Variants in VGLL4 observed in about 807,000 individuals in gnomAD.
The protein encoded by VGLL4 is vestigial like family member 4, also known as transcription cofactor vestigial-like protein 4.
Under a neutral mutation model 21.0 loss-of-function variants are expected in VGLL4, and 7 were observed. The ratio of observed to expected loss-of-function variants is 0.33; its 90% CI spans 0.19 to 0.63. VGLL4 has a LOEUF of 0.63. Ranked by LOEUF, VGLL4 falls within the 20% of genes least tolerant of loss-of-function variation. The pLI, the probability that VGLL4 is intolerant of heterozygous loss-of-function variation, is 0.78. For synonymous variants in VGLL4, 222 were observed against 173.2 expected (o/e 1.28, Z -2.21); for missense variants, 394 against 425.7 (o/e 0.93, Z 0.66).
At chr3:11,667,263 TAC>T (rs1280483993) in intron 2 of VGLL4, among the ~76,000 whole-genome samples, 1 of 152,250 alleles carries the variant, frequency 6.6e-6, no homozygotes, top group Non-Finnish European at 1.5e-5. Context: ...AGTGACAGGT[TAC>T]AGAGCTTGGG....
At chr3:11,680,884 A>T (rs952807109) in intron 2 of VGLL4, among the ~76,000 whole-genome samples, 2 of 152,046 alleles carry the variant, frequency 1.3e-5, no homozygotes, top group African/African-American at 2.4e-5. Flanking sequence ...CAGGCACGCG[A>T]TGAGTATCTG....
rs946622872 is a variant in VGLL4 at position 11,719,793 on chromosome 3, C to T, written c.-14+601G>A. 5.3e-5 allele frequency among the ~76,000 whole-genome samples: 8 copies of T among 152,224 alleles called. No homozygotes were observed. Among genetic ancestry groups the T allele is most frequent in the African/African-American group, 1.4e-4 (6 of 41,554 alleles). On this transcript the variant is annotated intron_variant, in intron 1 of 5. Transcript: ENST00000273038. The surrounding 1 kb of genome is among the most constrained non-coding windows in gnomAD (Gnocchi z 4.0). Reference sequence around the variant, plus strand: ...CCGCGGCAGGGAGAGGCCGCTTTCCCTCCCCCGCCAGCTGCGCGCCCGGTG... The same window carrying T: ...CCGCGGCAGGGAGAGGCCGCTTTCCTTCCCCCGCCAGCTGCGCGCCCGGTG...
At chr3:11,598,992 T>C (rs1042421495) in intron 2 of VGLL4, among the ~76,000 whole-genome samples, 1 of 152,188 alleles carries the variant, frequency 6.6e-6, no homozygotes, top group African/African-American at 2.4e-5. Context: ...GCAGATAACT[T>C]CTTAGGCATT....
rs2074854157 is a variant in VGLL4, at chr3:11,603,431, T to C, written c.83-1409A>G. ...ATGATCTTGGTTGGCCTATACTCCC[T>C]ATTTAGTAATTTTCATTTTAAAAAA... On this transcript the variant is annotated intron_variant, in intron 1 of 4. Transcript: ENST00000430365. 2.0e-5 allele frequency among the ~76,000 whole-genome samples: 3 copies of C among 152,336 alleles called. No homozygotes were observed. In the South Asian group the frequency reaches 6.2e-4, roughly 32 times the overall value.
chr3:11,585,326 C>T (rs2125233327), intron 2 of VGLL4, among the ~76,000 whole-genome samples: 1 of 151,776 alleles, frequency 6.6e-6, no homozygotes, highest in East Asian at 1.9e-4. Context: ...GTCCCAGCTA[C>T]TTAGGAGGCT....
intron 2 of VGLL4, among the ~76,000 whole-genome samples, chr3:11,571,650 G>A (rs540649595): frequency 3.7e-4 from 56 of 152,304 alleles, no homozygotes; most frequent in African/African-American, 1.3e-3. Flanking sequence ...CTGGGCAACA[G>A]GGTAAGACCC....
chr3:11,585,516 A>C (rs1437856460), intron 2 of VGLL4, among the ~76,000 whole-genome samples: 1 of 151,946 alleles, frequency 6.6e-6, no homozygotes, highest in Non-Finnish European at 1.5e-5. Context: ...AAATTGAGGG[A>C]TCTCCCAAGA....
intron 2 of VGLL4, among the ~76,000 whole-genome samples, chr3:11,594,988 C>G (rs974321924): frequency 2.3e-4 from 35 of 152,266 alleles, no homozygotes; most frequent in Non-Finnish European, 2.4e-4. Context: ...ATGGAGAAAC[C>G]CCATCTCTAC....
At chr3:11,596,660 T>A (rs1309559884) in intron 2 of VGLL4, among the ~76,000 whole-genome samples, 1 of 152,176 alleles carries the variant, frequency 6.6e-6, no homozygotes, top group Non-Finnish European at 1.5e-5. Flanking sequence ...ATGATAGAAA[T>A]GTTCTGTATC....
rs200172219 is a variant in VGLL4 at position 11,705,497 on chromosome 3, AAC to A, written c.-13-2452_-13-2451del. 1.1e-3 allele frequency among the ~76,000 whole-genome samples: 163 copies of A among 152,340 alleles called. 3 individuals are homozygous for A. In the East Asian group the frequency reaches 0.027, roughly 25 times the overall value. ...AGCAGCGGTCTAAGAGGGAAAACCT[AAC>A]AGTGCTCACATTCCTGATCTTCTTT... On this transcript the variant is annotated intron_variant, in intron 1 of 5. Transcript: ENST00000273038.
intron 2 of VGLL4, among the ~76,000 whole-genome samples, chr3:11,597,940 C>G (rs183967258): frequency 4.4e-4 from 67 of 152,282 alleles, no homozygotes; most frequent in Non-Finnish European, 7.8e-4. Flanking sequence ...TTCTAATTTT[C>G]AAAATTCTGA....
At chr3:11,622,918 C>T (rs2075290913) in intron 1 of VGLL4, among the ~76,000 whole-genome samples, 1 of 152,218 alleles carries the variant, frequency 6.6e-6, no homozygotes, top group African/African-American at 2.4e-5. Flanking sequence ...TCTTGTATTT[C>T]CTTTCTTACG....
chr3:11,558,044 T>G lies in VGLL4; in HGVS notation c.*512A>C, dbSNP rs2072602930. The G allele has an allele frequency of 6.3e-6, 1 of 157,986 alleles. No individual in the cohort carries two copies. Among genetic ancestry groups the G allele is most frequent in the South Asian group, 1.9e-4 (1 of 5,186 alleles). The allele number at this position is 157,986 out of a possible 1,614,324, so 9.8% of individuals were successfully genotyped here. A position where few individuals can be genotyped will look rare whatever the true frequency, so the allele number is the denominator to read the frequency against. ...AGAGTTCTGGCATAACACATAAAGT[T>G]GTCAGGCAACTTTAGTCCTCCTCCA... is the stretch of plus-strand genomic sequence containing the variant. On this transcript the variant is annotated 3_prime_UTR_variant, in exon 5 of 5. Transcript: ENST00000430365.
rs1169062673 is a variant in VGLL4 at position 11,719,979 on chromosome 3, G to C, written c.-14+415C>G. ...CCCCGCCCCCGAGGCCCCGCCAGGGGACACAGCGCCGTGCAAATGTACAAA... is the reference window on the plus strand; with the variant it reads ...CCCCGCCCCCGAGGCCCCGCCAGGGCACACAGCGCCGTGCAAATGTACAAA... On this transcript the variant is annotated intron_variant, in intron 1 of 5. Transcript: ENST00000273038. This position sits in a 1 kb window ranked among gnomAD's most constrained non-coding sequence, Gnocchi z 4.0. 6.6e-6 allele frequency among the ~76,000 whole-genome samples: 1 copy of C among 152,160 alleles called. No individual in the cohort carries two copies. The highest frequency in any genetic ancestry group is 2.1e-4 in the South Asian group (1 of 4,828).
At chr3:11,560,063 C>G (rs143399248) in intron 3 of VGLL4, among the ~76,000 whole-genome samples, 2 of 152,096 alleles carry the variant, frequency 1.3e-5, no homozygotes, top group East Asian at 3.9e-4. Flanking sequence ...TTCACCCCCA[C>G]CCCCACGCTG....
intron 1 of VGLL4, among the ~76,000 whole-genome samples, chr3:11,643,163 G>A (rs1318904606): frequency 6.6e-6 from 1 of 152,158 alleles, no homozygotes. Flanking sequence ...ACATTTTAAA[G>A]AGTTAAAAAT....
At chr3:11,634,346 T>C (rs985782063) in intron 1 of VGLL4, among the ~76,000 whole-genome samples, 2 of 152,078 alleles carry the variant, frequency 1.3e-5, no homozygotes, top group Non-Finnish European at 2.9e-5. Context: ...CGCTGTTCAA[T>C]CCATCACCAA....
intron 2 of VGLL4, among the ~76,000 whole-genome samples, chr3:11,698,486 G>A (rs1220697417): frequency 6.6e-6 from 1 of 152,202 alleles, no homozygotes; most frequent in Non-Finnish European, 1.5e-5. Context: ...TCCAGCCTGG[G>A]CGAATGAGCA....
chr3:11,596,466 C>T (rs866318149), intron 2 of VGLL4, among the ~76,000 whole-genome samples: 6 of 152,152 alleles, frequency 3.9e-5, no homozygotes, highest in South Asian at 4.1e-4. Flanking sequence ...AGGAGTGGAC[C>T]ATGAGTACAT....
Sources: gnomAD v4.1 joint callset for allele counts (sites outside exome capture counted in the v4.1 genomes callset) on GRCh38, gnomAD v4.1.1 for gene constraint, Gnocchi (gnomAD v3.1) non-coding constraint, MANE v1.5 for transcripts, NCBI Gene and HGNC (gene_info 2026-07-23, HGNC 2026-07-21) for gene names.